The following DSCAM variants were observed in gnomAD, a reference collection of about 807,000 sequenced individuals.
DSCAM encodes the protein DS cell adhesion molecule, also known as cell adhesion molecule DSCAM.
A neutral mutation model predicts 217.7 loss-of-function variants in DSCAM; 47 were observed. The observed-to-expected ratio is 0.22, with a 90% CI of 0.17 to 0.28. The LOEUF is 0.28. Among genes scored for constraint, DSCAM ranks in the 10% least tolerant of loss-of-function variants. DSCAM has a pLI of 1.00. For missense variants in DSCAM, 2,080 were observed against 2,618.3 expected, an observed-to-expected ratio of 0.79 and a Z score of 4.49; for synonymous variants, 1,056 against 1,015.3, an observed-to-expected ratio of 1.04 and a Z score of -0.76.
rs200198659 is a variant in DSCAM at position 40,013,087 on chromosome 21, G to A, written c.5986C>T (p.Arg1996Trp). The A allele has an allele frequency of 2.9e-5, 46 of 1,580,280 alleles. No individual in the cohort carries two copies. The highest frequency in any genetic ancestry group is 1.2e-4 in the African/African-American group (9 of 74,068). The change falls in exon 33 of 33, where the codon CGG (arginine) becomes TGG (tryptophan). Residue 1996 changes from arginine to tryptophan, a missense_variant. Around this residue, in one of 5 missense-constraint regions of DSCAM, gnomAD observed 145 missense variants for 138.5 expected, o/e 1.05. Transcript: ENST00000400454. Reference protein sequence around the residue: ...SSSQESLLDSRGHLKGNNPYA... With the variant: ...SSSQESLLDSWGHLKGNNPYA... Reference sequence around the variant, plus strand: ...GGATTGTTTCCTTTCAAATGGCCCCGGGAGTCGAGCAGTGATTCTTGGGAG... The same window carrying A: ...GGATTGTTTCCTTTCAAATGGCCCCAGGAGTCGAGCAGTGATTCTTGGGAG...
At chr21:40,212,458 A>G (rs1403434755) in intron 11 of DSCAM, 1 of 154,210 alleles carries the variant, frequency 6.5e-6, no homozygotes, top group Admixed American at 6.5e-5. Context: ...TTACCTCTGC[A>G]GTCTAGTTGT....
chr21:40,177,260 C>T (rs1292179472), intron 15 of DSCAM, among the ~76,000 whole-genome samples: 1 of 152,142 alleles, frequency 6.6e-6, no homozygotes, highest in South Asian at 2.1e-4. Flanking sequence ...CTGAGACATG[C>T]AAAGTATTTT....
chr21:40,640,653 G>A (rs2089866691), intron 3 of DSCAM, among the ~76,000 whole-genome samples: 1 of 152,182 alleles, frequency 6.6e-6, no homozygotes, highest in African/African-American at 2.4e-5. Context: ...TGGGAGCGCA[G>A]GTAAACAGGC....
intron 3 of DSCAM, among the ~76,000 whole-genome samples, chr21:40,401,980 G>A (rs148920120): frequency 6.5e-4 from 98 of 149,674 alleles, no homozygotes; most frequent in African/African-American, 2.3e-3. Context: ...TAAGTTCCCC[G>A]TGTGGTTGAC....
chr21:40,541,411 A>G (rs1177875615), intron 3 of DSCAM, among the ~76,000 whole-genome samples: 1 of 151,990 alleles, frequency 6.6e-6, no homozygotes, highest in East Asian at 1.9e-4. Flanking sequence ...ACACGAGAAT[A>G]AACAGCAAAG....
Position 40,289,631 on chromosome 21 carries a change from T to C in DSCAM, c.2182+6424A>G, listed in dbSNP as rs114143573. The stretch of plus-strand genomic sequence containing the variant: ...TATTACAGTACATTGTAATAATAAT[T>C]TTATTCTAGTACTCATAATTTTTGT... On this transcript the variant is annotated intron_variant, in intron 10 of 32. Coordinates refer to ENST00000400454, the MANE Select transcript of DSCAM (RefSeq NM_001389.5). Among the ~76,000 whole-genome samples, 1,450 of 152,296 alleles carry C rather than the reference T, an allele frequency of 9.5e-3. 27 individuals carry two copies. Among genetic ancestry groups the C allele is most frequent in the African/African-American group, 0.033 (1,358 of 41,560 alleles).
intron 2 of DSCAM, among the ~76,000 whole-genome samples, chr21:40,700,725 TTC>T (rs1344988363): frequency 7.3e-5 from 11 of 149,746 alleles, no homozygotes; most frequent in Non-Finnish European, 1.5e-4. Context: ...TTTTTATTCT[TTC>T]TTTCTTTCTT....
intron 11 of DSCAM, among the ~76,000 whole-genome samples, chr21:40,192,560 T>G (rs2090963215): frequency 6.6e-6 from 1 of 152,224 alleles, no homozygotes; most frequent in Admixed American, 6.5e-5. Flanking sequence ...CAGTTAAGCC[T>G]CCTTCCTTTA....
chr21:40,502,010 C>G lies in DSCAM; in HGVS notation c.509-132765G>C, dbSNP rs1445245068. On this transcript the variant is annotated intron_variant, in intron 3 of 32. Transcript: ENST00000400454. ...CTTTCATATATCTAAACCAGGGACT[C>G]TTAATCTGGGGCCTGCATACCCTCT... is the stretch of plus-strand genomic sequence containing the variant. Among the ~76,000 whole-genome samples the G allele has an allele frequency of 2.0e-5, 3 of 152,202 alleles. No homozygotes were observed. The East Asian group carries it at 5.8e-4, about 29-fold the overall frequency.
At chr21:40,711,772 C>G (rs965685801) in intron 1 of DSCAM, among the ~76,000 whole-genome samples, 6 of 152,178 alleles carry the variant, frequency 3.9e-5, no homozygotes. Flanking sequence ...GAAGGTGCAT[C>G]CCACCTGAGA....
At chr21:40,149,707 A>G (rs1307333038) in intron 16 of DSCAM, among the ~76,000 whole-genome samples, 1 of 146,260 alleles carries the variant, frequency 6.8e-6, no homozygotes, top group Non-Finnish European at 1.5e-5. Context: ...ACCACCATCC[A>G]TTACTTCTTC....
At chr21:40,138,220 CT>C (rs776764708) in intron 18 of DSCAM, among the ~76,000 whole-genome samples, 5 of 151,778 alleles carry the variant, frequency 3.3e-5, no homozygotes, top group Non-Finnish European at 7.4e-5. Context: ...ATATTTGCCC[CT>C]CTCAGCCTGT....
intron 5 of DSCAM, among the ~76,000 whole-genome samples, chr21:40,352,088 C>A (rs906641082): frequency 1.2e-4 from 18 of 152,118 alleles, no homozygotes; most frequent in African/African-American, 3.6e-4. Flanking sequence ...TTGGTGATGA[C>A]CTTGCACAGT....
intron 3 of DSCAM, among the ~76,000 whole-genome samples, chr21:40,375,068 ATCT>A (rs139466095): frequency 0.017 from 2,656 of 152,294 alleles, 64 homozygotes; most frequent in African/African-American, 0.06. Context: ...ATCTGTTAGT[ATCT>A]GAGTATAAAA....
chr21:40,606,782 A>G (rs897019443), intron 3 of DSCAM, among the ~76,000 whole-genome samples: 5 of 152,156 alleles, frequency 3.3e-5, no homozygotes, highest in Non-Finnish European at 7.4e-5. Context: ...TCATCACCCA[A>G]AACTTATCTT....
intron 1 of DSCAM, among the ~76,000 whole-genome samples, chr21:40,729,249 G>A (rs565783074): frequency 9.2e-5 from 14 of 152,230 alleles, no homozygotes; most frequent in East Asian, 5.8e-4. Flanking sequence ...GAACTCTGTC[G>A]TGAGGAACAG....
intron 3 of DSCAM, among the ~76,000 whole-genome samples, chr21:40,617,109 C>A (rs1247604242): frequency 1.4e-5 from 2 of 145,804 alleles, no homozygotes; most frequent in Admixed American, 6.9e-5. Context: ...AGGCCAGGCA[C>A]AGAACCAGTC....
intron 1 of DSCAM, among the ~76,000 whole-genome samples, chr21:40,762,054 G>C (rs766235637): frequency 4.6e-5 from 7 of 152,128 alleles, no homozygotes; most frequent in Admixed American, 1.3e-4. Flanking sequence ...AAAGAAACTA[G>C]AGAAGCAAGA....
intron 3 of DSCAM, among the ~76,000 whole-genome samples, chr21:40,586,675 A>G (rs1008563589): frequency 1.3e-5 from 2 of 152,190 alleles, no homozygotes; most frequent in African/African-American, 4.8e-5. Context: ...TTCTGGTGAC[A>G]TTGCTGTATA....
Sources: allele counts gnomAD v4.1 joint callset (sites outside exome capture counted in the v4.1 genomes callset), GRCh38; gene constraint gnomAD v4.1.1; regional missense constraint gnomAD v4.1.1; transcripts MANE v1.5; gene names NCBI Gene and HGNC (gene_info 2026-07-23, HGNC 2026-07-21).